The following ERBB4 variants were observed in gnomAD, a reference collection of about 807,000 sequenced individuals.
ERBB4 encodes erb-b2 receptor tyrosine kinase 4, also known as receptor tyrosine-protein kinase erbB-4.
Under a neutral mutation model 158.0 loss-of-function variants are expected in ERBB4, and 42 were observed. That is an observed-to-expected ratio of 0.27 (90% CI 0.21 to 0.34). The LOEUF (loss-of-function observed/expected upper bound fraction) is 0.34, where lower values mean the gene tolerates loss of function less well. ERBB4 is among the 10% of genes least tolerant of loss of function. The pLI is 1.00. For synonymous variants in ERBB4, 583 were observed against 558.7 expected (o/e 1.04, Z -0.61); for missense variants, 1,333 against 1,624.1 (o/e 0.82, Z 3.08).
intron 5 of ERBB4, among the ~76,000 whole-genome samples, 178 bp from the exon 6 acceptor site, chr2:211,725,372 AT>A (rs1308323039): frequency 1.3e-5 from 2 of 152,148 alleles, no homozygotes; most frequent in African/African-American, 4.8e-5. Flanking sequence ...TTAATTTATA[AT>A]TATTTCATTT....
intron 16 of ERBB4, among the ~76,000 whole-genome samples, chr2:211,644,180 A>T (rs190215597): frequency 1.9e-3 from 284 of 152,160 alleles, no homozygotes; most frequent in Non-Finnish European, 3.3e-3. Flanking sequence ...ATTGCACCCC[A>T]TTTTAAATTA....
intron 3 of ERBB4, among the ~76,000 whole-genome samples, chr2:211,932,549 A>G (rs2080206265): frequency 6.6e-6 from 1 of 152,022 alleles, no homozygotes; most frequent in African/African-American, 2.4e-5. Flanking sequence ...AATTAGAAAT[A>G]TTTTAGAAAG....
At chr2:211,604,447 TA>T (rs1354946556) in intron 19 of ERBB4, among the ~76,000 whole-genome samples, 1 of 152,102 alleles carries the variant, frequency 6.6e-6, no homozygotes, top group Non-Finnish European at 1.5e-5. Flanking sequence ...ACCCAAATGA[TA>T]AATATCACTT....
intron 20 of ERBB4, among the ~76,000 whole-genome samples, chr2:211,560,102 G>A (rs1012770539): frequency 6.6e-6 from 1 of 151,830 alleles, no homozygotes; most frequent in African/African-American, 2.4e-5. Flanking sequence ...AAGGCAAAAA[G>A]GTATAAAACT....
At chr2:212,040,700 C>T in intron 2 of ERBB4, among the ~76,000 whole-genome samples, 1 of 152,010 alleles carries the variant, frequency 6.6e-6, no homozygotes, top group East Asian at 1.9e-4. Flanking sequence ...CTGAGTAGTA[C>T]AACTTAATGA....
At chr2:211,563,137 T>C (rs1260994792) in intron 19 of ERBB4, among the ~76,000 whole-genome samples, 1 of 152,208 alleles carries the variant, frequency 6.6e-6, no homozygotes, top group Non-Finnish European at 1.5e-5. Flanking sequence ...AGTGGACATA[T>C]GATGGTTATT....
At chr2:211,472,330 TTAA>T (rs951694445) in intron 20 of ERBB4, among the ~76,000 whole-genome samples, 1 of 149,074 alleles carries the variant, frequency 6.7e-6, no homozygotes, top group Non-Finnish European at 1.5e-5. Flanking sequence ...AATATAATAT[TTAA>T]TAATATTGAT....
chr2:212,226,341 C>T (rs1247473813), intron 1 of ERBB4, among the ~76,000 whole-genome samples: 1 of 151,986 alleles, frequency 6.6e-6, no homozygotes, highest in Non-Finnish European at 1.5e-5. Context: ...TTTTGTGAGA[C>T]ACTCTGAGCA....
At chr2:211,400,135 T>C (rs984488827) in intron 25 of ERBB4, among the ~76,000 whole-genome samples, 2 of 152,094 alleles carry the variant, frequency 1.3e-5, no homozygotes, top group African/African-American at 2.4e-5. Context: ...AAAAGGACGG[T>C]CATCCAACAG....
intron 20 of ERBB4, among the ~76,000 whole-genome samples, chr2:211,489,575 G>A (rs1183495482): frequency 6.6e-6 from 1 of 151,776 alleles, no homozygotes; most frequent in Non-Finnish European, 1.5e-5. Flanking sequence ...CCATTGTCAA[G>A]CAATTTATCA....
chr2:211,955,621 G>A (rs993047708), intron 2 of ERBB4, among the ~76,000 whole-genome samples: 1 of 152,128 alleles, frequency 6.6e-6, no homozygotes, highest in Non-Finnish European at 1.5e-5. Context: ...TAACTTAAGA[G>A]TATATTCTCA....
chr2:212,189,105 T>A (rs1320500451), intron 1 of ERBB4, among the ~76,000 whole-genome samples: 3 of 148,124 alleles, frequency 2.0e-5, no homozygotes, highest in Admixed American at 6.8e-5. Context: ...GATTTTTGAA[T>A]ATTTGCATAA....
chr2:211,700,049 A>C (rs1326800772), intron 12 of ERBB4, among the ~76,000 whole-genome samples: 1 of 152,048 alleles, frequency 6.6e-6, no homozygotes, highest in African/African-American at 2.4e-5. Flanking sequence ...TGATTCTTTT[A>C]TATATTTCTT....
At chr2:211,718,826 T>C (rs2074005916) in intron 7 of ERBB4, among the ~76,000 whole-genome samples, 2 of 152,194 alleles carry the variant, frequency 1.3e-5, no homozygotes, top group Admixed American at 1.3e-4. Context: ...CTCCATCAGC[T>C]GTGAAACAAC....
At chr2:212,462,199 G>A (rs1334791146) in intron 1 of ERBB4, among the ~76,000 whole-genome samples, 1 of 152,106 alleles carries the variant, frequency 6.6e-6, no homozygotes, top group East Asian at 1.9e-4. Flanking sequence ...ATTGGTCTGG[G>A]CAAAGATTTT....
intron 20 of ERBB4, among the ~76,000 whole-genome samples, chr2:211,466,487 G>A (rs2125515383): frequency 6.6e-6 from 1 of 152,166 alleles, no homozygotes; most frequent in African/African-American, 2.4e-5. Flanking sequence ...ATCCAGGACA[G>A]GATGCCAAGC....
At chr2:211,981,155 A>T (rs1375700815) in intron 2 of ERBB4, among the ~76,000 whole-genome samples, 3 of 152,180 alleles carry the variant, frequency 2.0e-5, no homozygotes, top group Non-Finnish European at 4.4e-5. Flanking sequence ...AAAGCAAACC[A>T]ATAAGTGAGA....
At chr2:212,188,548 C>T (rs543040286) in intron 1 of ERBB4, among the ~76,000 whole-genome samples, 2 of 151,806 alleles carry the variant, frequency 1.3e-5, no homozygotes, top group African/African-American at 2.4e-5. Context: ...AAAGGCTTCC[C>T]GTGGTTTTAG....
intron 1 of ERBB4, among the ~76,000 whole-genome samples, chr2:212,504,480 A>G (rs1057328698): frequency 6.6e-6 from 1 of 152,000 alleles, no homozygotes; most frequent in South Asian, 2.1e-4. Flanking sequence ...AGAGATCCTG[A>G]AAAAGCCTAT....
Sources: allele counts gnomAD v4.1 joint callset (sites outside exome capture counted in the v4.1 genomes callset), GRCh38; gene constraint gnomAD v4.1.1; transcripts MANE v1.5; gene names NCBI Gene and HGNC (gene_info 2026-07-23, HGNC 2026-07-21).